LHFPL3: variants seen among roughly 807,000 people sequenced by gnomAD.
LHFPL3 encodes LHFPL tetraspan subfamily member 3 protein.
Under a neutral mutation model 19.3 loss-of-function variants are expected in LHFPL3, and 5 were observed. The ratio of observed to expected loss-of-function variants is 0.26; its 90% CI spans 0.14 to 0.54. The LOEUF is 0.54. Ranked by LOEUF, LHFPL3 falls within the 20% of genes least tolerant of loss-of-function variation. The pLI is 0.94. For missense variants in LHFPL3, 249 were observed against 307.4 expected (o/e 0.81, Z 1.42); for synonymous variants, 133 against 126.2 (o/e 1.05, Z -0.36).
intron 2 of LHFPL3, among the ~76,000 whole-genome samples, chr7:104,829,487 T>TG: frequency 6.7e-6 from 1 of 149,958 alleles, no homozygotes; most frequent in East Asian, 2.0e-4. Flanking sequence ...CCCATCCCCC[T>TG]ACCCCACAAC....
chr7:104,906,295 T>G lies in LHFPL3; in HGVS notation c.*80T>G. ...GAATAACAGCTTTTGTACATCAACA[T>G]CAAGAAGGAATACGCCTGAGAGAGA... is the stretch of plus-strand genomic sequence containing the variant. On this transcript the variant is annotated 3_prime_UTR_variant, in exon 3 of 3. Coordinates refer to ENST00000424859, the MANE Select transcript of LHFPL3 (RefSeq NM_199000.3). 6.8e-7 allele frequency: 1 copy of G among 1,474,382 alleles called. No homozygotes were observed. Among genetic ancestry groups the G allele is most frequent in the Admixed American group, 1.9e-5 (1 of 52,112 alleles). The allele number at this position is 1,474,382 out of a possible 1,614,324, so 91.3% of individuals were successfully genotyped here. A position where few individuals can be genotyped will look rare whatever the true frequency, so the allele number is the denominator to read the frequency against.
At chr7:104,568,117 G>T (rs1288131697) in intron 1 of LHFPL3, among the ~76,000 whole-genome samples, 1 of 152,162 alleles carries the variant, frequency 6.6e-6, no homozygotes, top group Admixed American at 6.5e-5. Context: ...GAATCCTGGA[G>T]ATCAAGACTT....
At position 104,439,205 on chromosome 7, in the gene LHFPL3, A is replaced by G. The variant is rs74364096; in HGVS notation, c.445+109981A>G. On this transcript the variant is annotated intron_variant, in intron 1 of 2. Coordinates refer to ENST00000424859, the MANE Select transcript of LHFPL3 (RefSeq NM_199000.3). The stretch of plus-strand genomic sequence containing the variant: ...ATTGATCCTCCCACCTCGGCCTCCA[A>G]AACTGCTGGGATTACAGTTATGAGC... Among the ~76,000 whole-genome samples, 1,586 of 152,290 alleles carry G rather than the reference A, an allele frequency of 0.01. 64 individuals carry two copies. In the East Asian group the frequency reaches 0.15, roughly 14 times the overall value.
chr7:104,670,398 C>T (rs4481507), intron 1 of LHFPL3, among the ~76,000 whole-genome samples: 13,829 of 152,168 alleles, frequency 0.091, 836 homozygotes, highest in East Asian at 0.17. Context: ...TAGTTTTACC[C>T]TTTCTAAACA....
intron 1 of LHFPL3, among the ~76,000 whole-genome samples, chr7:104,686,657 C>T (rs1031963864): frequency 6.6e-6 from 1 of 152,138 alleles, no homozygotes; most frequent in East Asian, 1.9e-4. Flanking sequence ...CACAAGACTG[C>T]CCCCCATTTC....
chr7:104,376,319 A>G (rs1342759344), intron 1 of LHFPL3, among the ~76,000 whole-genome samples: 2 of 152,264 alleles, frequency 1.3e-5, no homozygotes, highest in African/African-American at 4.8e-5. Context: ...GGTGTGAAAG[A>G]TTAAGTACAA....
At chr7:104,359,171 C>T (rs1253070244) in intron 1 of LHFPL3, among the ~76,000 whole-genome samples, 2 of 152,204 alleles carry the variant, frequency 1.3e-5, no homozygotes, top group Non-Finnish European at 2.9e-5. Flanking sequence ...CCACACGTTG[C>T]ATATTTATTG....
At chr7:104,532,283 A>AT (rs1293013426) in intron 1 of LHFPL3, among the ~76,000 whole-genome samples, 1 of 83,522 alleles carries the variant, frequency 1.2e-5, no homozygotes, top group East Asian at 4.3e-4. Context: ...TGCTTGGCTA[A>AT]TGTTTTTTTT....
intron 1 of LHFPL3, among the ~76,000 whole-genome samples, chr7:104,353,258 A>G (rs185028171): frequency 6.6e-6 from 1 of 152,322 alleles, no homozygotes; most frequent in East Asian, 1.9e-4. Context: ...TTCACATATT[A>G]AAACTACCTG....
intron 1 of LHFPL3, among the ~76,000 whole-genome samples, chr7:104,396,275 A>C (rs1323224142): frequency 6.6e-6 from 1 of 152,192 alleles, no homozygotes; most frequent in Non-Finnish European, 1.5e-5. Flanking sequence ...ATGGTTGCTA[A>C]AGACTCGCTG....
intron 2 of LHFPL3, among the ~76,000 whole-genome samples, chr7:104,853,323 G>A (rs1791445294): frequency 6.6e-6 from 1 of 152,220 alleles, no homozygotes; most frequent in South Asian, 2.1e-4. Context: ...TCAGTCCTGA[G>A]TGACAGGCTG....
chr7:104,864,552 A>G (rs1226407304), intron 2 of LHFPL3, among the ~76,000 whole-genome samples: 1 of 152,204 alleles, frequency 6.6e-6, no homozygotes, highest in African/African-American at 2.4e-5. Context: ...ATTGCAAGGC[A>G]GCAGTGAGGC....
At chr7:104,729,888 C>G in intron 1 of LHFPL3, among the ~76,000 whole-genome samples, 1 of 152,008 alleles carries the variant, frequency 6.6e-6, no homozygotes, top group East Asian at 1.9e-4. Context: ...AATGCTATCC[C>G]TCCCCACTCC....
At chr7:104,649,380 G>A (rs1239521995) in intron 1 of LHFPL3, among the ~76,000 whole-genome samples, 1 of 152,212 alleles carries the variant, frequency 6.6e-6, no homozygotes, top group African/African-American at 2.4e-5. Context: ...AGAGGAGGTG[G>A]CATGAACCTC....
At chr7:104,889,573 G>C (rs1348934058) in intron 2 of LHFPL3, among the ~76,000 whole-genome samples, 2 of 152,198 alleles carry the variant, frequency 1.3e-5, no homozygotes, top group East Asian at 1.9e-4. Flanking sequence ...CTGGGAGGCA[G>C]AGGTTGCAGT....
chr7:104,434,003 C>G (rs1792050701), intron 1 of LHFPL3, among the ~76,000 whole-genome samples: 2 of 152,102 alleles, frequency 1.3e-5, no homozygotes, highest in African/African-American at 4.8e-5. Context: ...TATATGTAAG[C>G]CTATTACATT....
In LHFPL3 at chr7:104,399,895, C is replaced by T. The variant is rs928496816; in HGVS notation, c.445+70671C>T. On this transcript the variant is annotated intron_variant, in intron 1 of 2. Transcript: ENST00000424859. This position sits in a 1 kb window ranked among gnomAD's most constrained non-coding sequence, Gnocchi z 4.4. ...CCGAGGCAGGTGGATCACGTGAGGT[C>T]GAGTTTGAGACCAGCCTGGCCAACA... is the stretch of plus-strand genomic sequence containing the variant. Among the ~76,000 whole-genome samples, 4 of 150,736 alleles carry T rather than the reference C, an allele frequency of 2.7e-5. No individual in the cohort carries two copies. The highest frequency in any genetic ancestry group is 4.9e-5 in the African/African-American group (2 of 41,104).
At chr7:104,619,430 CT>C (rs962175969) in intron 1 of LHFPL3, among the ~76,000 whole-genome samples, 15 of 151,696 alleles carry the variant, frequency 9.9e-5, no homozygotes, top group Admixed American at 2.0e-4. Flanking sequence ...ATCCCTTTTT[CT>C]TTTTTTTCAG....
chr7:104,747,533 T>G (rs1169313910), intron 2 of LHFPL3, among the ~76,000 whole-genome samples: 1 of 152,238 alleles, frequency 6.6e-6, no homozygotes, highest in Non-Finnish European at 1.5e-5. Flanking sequence ...GAACATATCT[T>G]TACTTTCCTC....
Sources: gnomAD v4.1 joint callset for allele counts (sites outside exome capture counted in the v4.1 genomes callset) on GRCh38, gnomAD v4.1.1 for gene constraint, Gnocchi (gnomAD v3.1) non-coding constraint, MANE v1.5 for transcripts, NCBI Gene and HGNC (gene_info 2026-07-23, HGNC 2026-07-21) for gene names.